Variants in HPSE2 observed in about 807,000 individuals in gnomAD.
HPSE2 encodes heparanase 2 (inactive).
In HPSE2, 38 loss-of-function variants were observed where a neutral mutation model predicts 60.5. The ratio of observed to expected loss-of-function variants is 0.63; its 90% CI spans 0.48 to 0.82. The LOEUF (loss-of-function observed/expected upper bound fraction) is 0.82, where lower values mean the gene tolerates loss of function less well. HPSE2 is among the 40% of genes least tolerant of loss of function. The pLI, the probability that HPSE2 is intolerant of heterozygous loss-of-function variation, is 0.00. For synonymous variants in HPSE2, 295 were observed against 293.2 expected, an observed-to-expected ratio of 1.01 and a Z score of -0.06; for missense variants, 713 against 740.4, an observed-to-expected ratio of 0.96 and a Z score of 0.43.
chr10:98,696,787 C>T (rs2134178441), intron 5 of HPSE2, among the ~76,000 whole-genome samples: 1 of 152,284 alleles, frequency 6.6e-6, no homozygotes, highest in Non-Finnish European at 1.5e-5. Context: ...ACTAAGCTCC[C>T]AGGGTGGGGG....
rs200223864 is a variant in HPSE2 at position 99,235,087 on chromosome 10, T to A, written c.290+426A>T. 1.6e-4 allele frequency among the ~76,000 whole-genome samples: 18 copies of A among 115,880 alleles called. No homozygotes were observed. In the East Asian group the frequency reaches 1.6e-3, roughly 10 times the overall value. The allele number at this position is 115,880 out of a possible 152,430, so 76.0% of individuals were successfully genotyped here. Reference sequence around the variant, plus strand: ...CGCTTGAACACTCACACACACACACTCTCCTGTCTCACATACACACACACA... The same window carrying A: ...CGCTTGAACACTCACACACACACACACTCCTGTCTCACATACACACACACA... On this transcript the variant is annotated intron_variant, in intron 1 of 11. Transcript: ENST00000370552.
chr10:98,897,248 T>A (rs1056611490), intron 3 of HPSE2, among the ~76,000 whole-genome samples: 1 of 152,126 alleles, frequency 6.6e-6, no homozygotes, highest in Non-Finnish European at 1.5e-5. Context: ...ACCGCTTGGG[T>A]GATAGGTGCA....
rs182001898 is a variant in HPSE2 at position 99,024,993 on chromosome 10, T to C, written c.610+119245A>G. ...ACAGAAAGCAATAAATAATCACTGA[T>C]AATAGTAAGTACACAGAAAAACACA... On this transcript the variant is annotated intron_variant, in intron 3 of 11. Coordinates refer to ENST00000370552, the MANE Select transcript of HPSE2 (RefSeq NM_021828.5). 2.0e-5 allele frequency among the ~76,000 whole-genome samples: 3 copies of C among 152,200 alleles called. No homozygotes were observed. In the East Asian group the frequency reaches 5.8e-4, roughly 29 times the overall value.
chr10:99,141,671 T>C (rs888713953), intron 3 of HPSE2, among the ~76,000 whole-genome samples: 1 of 152,188 alleles, frequency 6.6e-6, no homozygotes, highest in African/African-American at 2.4e-5. Flanking sequence ...AATTTGCCCT[T>C]ATCTGGAGTA....
At chr10:98,674,609 T>A (rs1185206526) in intron 6 of HPSE2, among the ~76,000 whole-genome samples, 1 of 152,078 alleles carries the variant, frequency 6.6e-6, no homozygotes, top group East Asian at 1.9e-4. Flanking sequence ...TGTATAAAAG[T>A]CAAAAATATA....
chr10:98,947,844 T>C (rs1270230685), intron 3 of HPSE2, among the ~76,000 whole-genome samples: 1 of 152,176 alleles, frequency 6.6e-6, no homozygotes, highest in Non-Finnish European at 1.5e-5. Context: ...ATTGGTTCCA[T>C]TGATGCTTTG....
intron 3 of HPSE2, among the ~76,000 whole-genome samples, chr10:98,744,523 G>A (rs1012903363): frequency 4.6e-5 from 7 of 151,640 alleles, no homozygotes; most frequent in African/African-American, 1.2e-4. Flanking sequence ...GCGAAACTCC[G>A]TCTCAAAAAC....
chr10:99,175,860 C>T (rs1022757034), intron 2 of HPSE2, among the ~76,000 whole-genome samples: 1 of 152,184 alleles, frequency 6.6e-6, no homozygotes, highest in Admixed American at 6.5e-5. Context: ...ACAGACACCT[C>T]ATACAGGAGA....
intron 9 of HPSE2, among the ~76,000 whole-genome samples, chr10:98,594,845 G>GTAGC (rs1337882516): frequency 6.6e-6 from 1 of 152,096 alleles, no homozygotes; most frequent in Non-Finnish European, 1.5e-5. Flanking sequence ...GGGTCATATG[G>GTAGC]TAGCTTATTT....
intron 3 of HPSE2, among the ~76,000 whole-genome samples, chr10:99,102,429 C>G (rs956967284): frequency 2.0e-5 from 3 of 152,060 alleles, no homozygotes; most frequent in African/African-American, 7.2e-5. Context: ...AAGACTAAAC[C>G]AGGAAGAAGT....
the HPSE2 span, among the ~76,000 whole-genome samples, chr10:99,282,359 G>C: frequency 6.6e-6 from 1 of 152,012 alleles, no homozygotes; most frequent in African/African-American, 2.4e-5. Flanking sequence ...TATGCACAAA[G>C]TCCCAAAACA....
At chr10:98,955,020 C>T (rs1409315436) in intron 3 of HPSE2, among the ~76,000 whole-genome samples, 1 of 148,382 alleles carries the variant, frequency 6.7e-6, no homozygotes, top group Admixed American at 6.8e-5. Flanking sequence ...AACTCTAAGG[C>T]TAGAAAGACC....
At chr10:98,674,988 C>T (rs1947600076) in intron 6 of HPSE2, among the ~76,000 whole-genome samples, 1 of 152,162 alleles carries the variant, frequency 6.6e-6, no homozygotes, top group Non-Finnish European at 1.5e-5. Context: ...ACATACTAAA[C>T]ATTTAGAAAT....
chr10:99,061,717 C>A (rs927053571), intron 3 of HPSE2, among the ~76,000 whole-genome samples: 1 of 152,224 alleles, frequency 6.6e-6, no homozygotes, highest in Non-Finnish European at 1.5e-5. Flanking sequence ...GAGCCCTTGG[C>A]TCTGCCAATT....
intron 6 of HPSE2, among the ~76,000 whole-genome samples, chr10:98,674,011 G>C (rs1947573091): frequency 1.3e-5 from 2 of 152,182 alleles, no homozygotes; most frequent in South Asian, 4.1e-4. Flanking sequence ...CCAGATTGGG[G>C]CTCAAGAGTC....
chr10:98,683,791 C>T (rs1947844522), intron 6 of HPSE2, among the ~76,000 whole-genome samples: 2 of 152,004 alleles, frequency 1.3e-5, no homozygotes, highest in Admixed American at 6.6e-5. Flanking sequence ...TTTCCCTAAA[C>T]TGAAGGGCAC....
chr10:98,621,571 A>C (rs539152418), intron 7 of HPSE2, among the ~76,000 whole-genome samples: 4 of 152,322 alleles, frequency 2.6e-5, no homozygotes, highest in Non-Finnish European at 4.4e-5. Context: ...ATAGGGAAGA[A>C]GGGAAAACTA....
chr10:99,042,843 A>G (rs2135479280), intron 3 of HPSE2, among the ~76,000 whole-genome samples: 1 of 152,340 alleles, frequency 6.6e-6, no homozygotes, highest in South Asian at 2.1e-4. Context: ...AATACAGAGC[A>G]GGGCTGCAAA....
intron 6 of HPSE2, among the ~76,000 whole-genome samples, chr10:98,689,118 T>A (rs1948007565): frequency 6.6e-6 from 1 of 152,166 alleles, no homozygotes; most frequent in South Asian, 2.1e-4. Context: ...TTCCTGAATC[T>A]GTAAATTAAT....
Sources: allele counts gnomAD v4.1 joint callset (sites outside exome capture counted in the v4.1 genomes callset), GRCh38; gene constraint gnomAD v4.1.1; transcripts MANE v1.5; gene names NCBI Gene and HGNC (gene_info 2026-07-23, HGNC 2026-07-21).